The following NRXN3 variants were observed in gnomAD, a reference collection of about 807,000 sequenced individuals.
The protein encoded by NRXN3 is neurexin III.
In NRXN3, 32 loss-of-function variants were observed where a neutral mutation model predicts 137.6. The ratio of observed to expected loss-of-function variants is 0.23; its 90% CI spans 0.18 to 0.31. The LOEUF is 0.31. Among genes scored for constraint, NRXN3 ranks in the 10% least tolerant of loss-of-function variants. The pLI is 1.00. For missense variants in NRXN3, 1,574 were observed against 2,062.5 expected, an observed-to-expected ratio of 0.76 and a Z score of 4.59; for synonymous variants, 798 against 784.5, an observed-to-expected ratio of 1.02 and a Z score of -0.29.
chr14:79,159,168 A>C (rs1257023835), intron 15 of NRXN3, among the ~76,000 whole-genome samples: 1 of 151,708 alleles, frequency 6.6e-6, no homozygotes, highest in East Asian at 1.9e-4. Context: ...TGTTGCCATG[A>C]CCTTTGTTCT....
intron 15 of NRXN3, among the ~76,000 whole-genome samples, chr14:79,404,896 T>C (rs1421394535): frequency 6.6e-6 from 1 of 152,158 alleles, no homozygotes; most frequent in Admixed American, 6.5e-5. Context: ...GGCCCGTGTG[T>C]TCGTGCACAC....
intron 4 of NRXN3, among the ~76,000 whole-genome samples, chr14:78,433,851 A>G (rs923578827): frequency 3.9e-5 from 6 of 152,146 alleles, no homozygotes; most frequent in Non-Finnish European, 7.4e-5. Flanking sequence ...GGACAACAAA[A>G]TTTTGTTGCC....
At chr14:79,177,317 C>A (rs1188508804) in intron 15 of NRXN3, among the ~76,000 whole-genome samples, 1 of 152,098 alleles carries the variant, frequency 6.6e-6, no homozygotes, top group Non-Finnish European at 1.5e-5. Context: ...TTCAAACAGA[C>A]CCACCCGCTC....
intron 15 of NRXN3, among the ~76,000 whole-genome samples, chr14:79,265,930 T>C (rs1245481504): frequency 1.3e-5 from 2 of 152,118 alleles, no homozygotes; most frequent in Admixed American, 1.3e-4. Flanking sequence ...AGTCATTTGC[T>C]TGAAATTAAC....
At chr14:78,810,166 A>C (rs887144293) in intron 9 of NRXN3, 152 bp from the exon 10 acceptor site, 5 of 601,384 alleles carry the variant, frequency 8.3e-6, no homozygotes, top group Non-Finnish European at 1.5e-5. Flanking sequence ...ATATACACCC[A>C]CCCTTAAACT....
At chr14:79,732,337 A>C (rs1482232845) in intron 19 of NRXN3, among the ~76,000 whole-genome samples, 5 of 152,150 alleles carry the variant, frequency 3.3e-5, no homozygotes, top group Non-Finnish European at 7.4e-5. Flanking sequence ...ACGGTAACTT[A>C]GTTATTTTAA....
intron 16 of NRXN3, among the ~76,000 whole-genome samples, chr14:79,468,056 C>T (rs968110427): frequency 1.3e-5 from 2 of 152,070 alleles, no homozygotes; most frequent in South Asian, 2.1e-4. Context: ...CCAGAGTGGG[C>T]GGGGCAAAAG....
intron 15 of NRXN3, among the ~76,000 whole-genome samples, chr14:79,172,285 C>T (rs1291289694): frequency 1.3e-5 from 2 of 151,834 alleles, no homozygotes; most frequent in Non-Finnish European, 2.9e-5. Context: ...CTTCCATTGC[C>T]TTACTTGTAG....
intron 19 of NRXN3, among the ~76,000 whole-genome samples, chr14:79,768,661 C>A (rs529835468): frequency 6.6e-6 from 1 of 152,182 alleles, no homozygotes; most frequent in African/African-American, 2.4e-5. Context: ...GATAAAACCA[C>A]AAAGATGGGG....
rs1182740969 is a variant in NRXN3, at chr14:79,034,522, G to A, written c.3262+46381G>A. Among the ~76,000 whole-genome samples, 6 of 152,240 alleles carry A rather than the reference G, an allele frequency of 3.9e-5. No individual in the cohort carries two copies. The East Asian group carries it at 1.2e-3, about 29-fold the overall frequency. Reference sequence around the variant, plus strand: ...GTACCATCTGGGAAATAGGAAAAGTGGCATCTGCCCTTGCTCCGCACTTGG... The same window carrying A: ...GTACCATCTGGGAAATAGGAAAAGTAGCATCTGCCCTTGCTCCGCACTTGG... On this transcript the variant is annotated intron_variant, in intron 15 of 20. Coordinates refer to ENST00000335750, the MANE Select transcript of NRXN3 (RefSeq NM_001330195.2).
chr14:79,844,603 A>G (rs2099363157), intron 20 of NRXN3, among the ~76,000 whole-genome samples: 1 of 152,084 alleles, frequency 6.6e-6, no homozygotes, highest in Non-Finnish European at 1.5e-5. Context: ...ACTATTTTGA[A>G]AGGAATCTTT....
intron 1 of NRXN3, among the ~76,000 whole-genome samples, chr14:78,171,577 C>T (rs916347741): frequency 1.3e-5 from 2 of 152,052 alleles, no homozygotes; most frequent in African/African-American, 4.8e-5. Context: ...CTCTTTCCCT[C>T]TCTCTTTTTT....
At chr14:79,765,835 C>G (rs1024730889) in intron 19 of NRXN3, among the ~76,000 whole-genome samples, 3 of 152,164 alleles carry the variant, frequency 2.0e-5, no homozygotes, top group African/African-American at 4.8e-5. Flanking sequence ...AGGAATCTTC[C>G]ACTACTTTTT....
chr14:79,221,666 G>A (rs2069717345), intron 15 of NRXN3, among the ~76,000 whole-genome samples: 1 of 152,046 alleles, frequency 6.6e-6, no homozygotes, highest in Non-Finnish European at 1.5e-5. Context: ...TTTATCAGAT[G>A]GATAGATTGC....
At chr14:78,659,615 G>T (rs1390680225) in intron 6 of NRXN3, among the ~76,000 whole-genome samples, 2 of 151,848 alleles carry the variant, frequency 1.3e-5, no homozygotes, top group African/African-American at 4.8e-5. Context: ...GGGAGGTTGA[G>T]GCTGCAGTGA....
chr14:78,700,875 G>A (rs539655015), intron 6 of NRXN3, among the ~76,000 whole-genome samples: 6 of 152,082 alleles, frequency 3.9e-5, no homozygotes, highest in Non-Finnish European at 7.4e-5. Context: ...GGGTTCAAGC[G>A]ATTCTCCTGC....
intron 15 of NRXN3, among the ~76,000 whole-genome samples, chr14:79,277,348 C>A (rs867226129): frequency 5.3e-5 from 8 of 152,108 alleles, no homozygotes; most frequent in African/African-American, 1.7e-4. Flanking sequence ...GTCATCTAGG[C>A]CGCCTTAAGG....
chr14:78,968,476 A>G (rs566544621), intron 14 of NRXN3, 130 bp downstream of exon 14: 3 of 730,004 alleles, frequency 4.1e-6, no homozygotes, highest in East Asian at 2.8e-5. Flanking sequence ...GTGACATTGC[A>G]TCACCATCAG....
intron 15 of NRXN3, among the ~76,000 whole-genome samples, chr14:79,456,121 T>C (rs1369813738): frequency 2.0e-5 from 3 of 152,174 alleles, no homozygotes; most frequent in African/African-American, 7.2e-5. Context: ...GTACTGTTTG[T>C]TCAATAACTT....
Sources: allele counts gnomAD v4.1 joint callset (sites outside exome capture counted in the v4.1 genomes callset), GRCh38; gene constraint gnomAD v4.1.1; transcripts MANE v1.5; gene names NCBI Gene and HGNC (gene_info 2026-07-23, HGNC 2026-07-21).